Variants in COL5A2 observed in about 807,000 individuals in gnomAD.
The protein encoded by COL5A2 is collagen alpha-2(V) chain.
COL5A2 carries 23 observed loss-of-function variants against 208.2 expected under a neutral mutation model. The ratio of observed to expected loss-of-function variants is 0.11; its 90% CI spans 0.08 to 0.16. The LOEUF (loss-of-function observed/expected upper bound fraction) is 0.16. Among genes scored for constraint, COL5A2 ranks in the 10% least tolerant of loss-of-function variants. COL5A2 has a pLI of 1.00. For missense variants in COL5A2, 1,590 were observed against 1,956.4 expected, an observed-to-expected ratio of 0.81 and a Z score of 3.53; for synonymous variants, 625 against 628.5, an observed-to-expected ratio of 0.99 and a Z score of 0.08.
intron 21 of COL5A2, among the ~76,000 whole-genome samples, chr2:189,067,751 T>C (rs1686184557): frequency 6.6e-6 from 1 of 152,202 alleles, no homozygotes; most frequent in African/African-American, 2.4e-5. Context: ...CATAAAATTC[T>C]ATGAGGTGAA....
intron 1 of COL5A2, among the ~76,000 whole-genome samples, chr2:189,146,513 G>A (rs1223811818): frequency 6.6e-6 from 1 of 151,918 alleles, no homozygotes; most frequent in African/African-American, 2.4e-5. Context: ...AATTGATGAA[G>A]GTTGTATCAT....
At chr2:189,228,164 G>A (rs1689441401), upstream of COL5A2, among the ~76,000 whole-genome samples, 1 of 151,738 alleles carries the variant, frequency 6.6e-6, no homozygotes, top group Non-Finnish European at 1.5e-5. Context: ...TGCAGCAAAA[G>A]CAATTCTGAA....
rs764326715 is a variant in COL5A2 at position 189,042,711 on chromosome 2, G to A, written c.3525+9C>T. 11 of 1,606,050 alleles carry A rather than the reference G, an allele frequency of 6.8e-6. No homozygotes were observed. The Admixed American group carries it at 1.0e-4, about 15-fold the overall frequency. ...TTACACCTGCAACTTACTACTTTTT[G>A]TTACTTACTCTTGGGCCAAATGGTC... On this transcript the variant is annotated intron_variant, in intron 49 of 53. Coordinates refer to ENST00000374866, the MANE Select transcript of COL5A2 (RefSeq NM_000393.5).
chr2:189,217,439 A>G (rs1030654864), intron 1 of COL5A2, among the ~76,000 whole-genome samples: 2 of 152,162 alleles, frequency 1.3e-5, no homozygotes, highest in Non-Finnish European at 1.5e-5. Flanking sequence ...AGTAGCCACA[A>G]GCATTTTGGG....
chr2:189,112,142 C>G (rs1687296040), intron 1 of COL5A2, among the ~76,000 whole-genome samples: 1 of 152,180 alleles, frequency 6.6e-6, no homozygotes, highest in Non-Finnish European at 1.5e-5. Context: ...CAGCCGTGAA[C>G]CACTGTGCCC....
At chr2:189,344,199 G>A in the COL5A2 span, among the ~76,000 whole-genome samples, 1 of 152,142 alleles carries the variant, frequency 6.6e-6, no homozygotes, top group Non-Finnish European at 1.5e-5. Flanking sequence ...ATTGTTTTAT[G>A]AACATGTTTA....
At chr2:189,427,984 GT>G in the COL5A2 span, among the ~76,000 whole-genome samples, 4 of 152,198 alleles carry the variant, frequency 2.6e-5, no homozygotes, top group Non-Finnish European at 5.9e-5. Context: ...AAACTAGCTT[GT>G]TTTTTATTCT....
the COL5A2 span, among the ~76,000 whole-genome samples, chr2:189,288,433 T>A: frequency 6.6e-6 from 1 of 152,182 alleles, no homozygotes; most frequent in Non-Finnish European, 1.5e-5. Flanking sequence ...AGTAATGTGA[T>A]GACTATGAAT....
intron 1 of COL5A2, among the ~76,000 whole-genome samples, chr2:189,217,188 C>T (rs1576588722): frequency 6.6e-6 from 1 of 152,124 alleles, no homozygotes. Context: ...AGAAAGGCAT[C>T]AGCATCTTGT....
At chr2:189,418,421 C>G in the COL5A2 span, among the ~76,000 whole-genome samples, 1 of 152,130 alleles carries the variant, frequency 6.6e-6, no homozygotes, top group Non-Finnish European at 1.5e-5. Flanking sequence ...TTAGTCTTTT[C>G]TAACTCAGTG....
chr2:189,246,220 A>G, the COL5A2 span, among the ~76,000 whole-genome samples: 1 of 152,220 alleles, frequency 6.6e-6, no homozygotes, highest in Non-Finnish European at 1.5e-5. Flanking sequence ...AGATTATGAC[A>G]CGTTACACAT....
chr2:189,291,982 T>C, the COL5A2 span, among the ~76,000 whole-genome samples: 1 of 152,176 alleles, frequency 6.6e-6, no homozygotes, highest in Non-Finnish European at 1.5e-5. Flanking sequence ...ACTCATTTTA[T>C]TATGTGATCA....
rs529698013 is a variant in COL5A2 at position 189,086,783 on chromosome 2, T to C, written c.646-13A>G. On this transcript the variant is annotated splice_polypyrimidine_tract_variant and intron_variant, in intron 8 of 53. Coordinates refer to ENST00000374866, the MANE Select transcript of COL5A2 (RefSeq NM_000393.5). ...GGCCAACAGGACCCTTAAAAACAAA[T>C]GAGGAGAAACGTTGCAAAGTACTCA... 1.3e-6 allele frequency: 2 copies of C among 1,575,108 alleles called. No individual in the cohort carries two copies. Among genetic ancestry groups the C allele is most frequent in the Non-Finnish European group, 1.7e-6 (2 of 1,156,542 alleles).
chr2:189,187,392 G>T (rs973293601), intron 1 of COL5A2, among the ~76,000 whole-genome samples: 1 of 152,142 alleles, frequency 6.6e-6, no homozygotes, highest in Non-Finnish European at 1.5e-5. Flanking sequence ...GATATGTGGT[G>T]ATTATGAGCC....
At chr2:189,422,950 G>A in the COL5A2 span, among the ~76,000 whole-genome samples, 573 of 151,700 alleles carry the variant, frequency 3.8e-3, 4 homozygotes, top group African/African-American at 0.013. Flanking sequence ...TTGAACCTGG[G>A]AGGCGGAGGT....
chr2:189,351,260 A>G, the COL5A2 span, among the ~76,000 whole-genome samples: 3 of 152,336 alleles, frequency 2.0e-5, no homozygotes, highest in East Asian at 5.8e-4. Context: ...TACCCTTTCA[A>G]AACAACCATT....
the COL5A2 span, among the ~76,000 whole-genome samples, chr2:189,358,925 C>T: frequency 6.6e-6 from 1 of 151,616 alleles, no homozygotes; most frequent in Admixed American, 6.6e-5. Flanking sequence ...GGTTTTGTAA[C>T]CTGCAATTTT....
At chr2:189,419,489 TC>T in the COL5A2 span, among the ~76,000 whole-genome samples, 1 of 152,050 alleles carries the variant, frequency 6.6e-6, no homozygotes, top group Non-Finnish European at 1.5e-5. Flanking sequence ...AGGTTGAAAG[TC>T]AAATAAAAAT....
At chr2:189,429,901 T>C in the COL5A2 span, among the ~76,000 whole-genome samples, 2 of 152,236 alleles carry the variant, frequency 1.3e-5, no homozygotes, top group African/African-American at 4.8e-5. Flanking sequence ...TCGTTGACAT[T>C]CTATCTTCAT....
Sources: allele counts gnomAD v4.1 joint callset (sites outside exome capture counted in the v4.1 genomes callset), GRCh38; gene constraint gnomAD v4.1.1; transcripts MANE v1.5; gene names NCBI Gene and HGNC (gene_info 2026-07-23, HGNC 2026-07-21).